Variants in ENOX2 observed in about 807,000 individuals in gnomAD.
ENOX2 encodes ecto-NOX disulfide-thiol exchanger 2, also known as APK1 antigen.
Under a neutral mutation model 45.0 loss-of-function variants are expected in ENOX2, and 36 were observed. The ratio of observed to expected loss-of-function variants is 0.80; its 90% CI spans 0.61 to 1.06. The LOEUF is 1.06. Among genes scored for constraint, ENOX2 ranks in the 50% least tolerant of loss-of-function variants. The pLI is 0.00. For missense variants in ENOX2, 423 were observed against 462.5 expected (o/e 0.91, Z 0.78); for synonymous variants, 174 against 152.3 (o/e 1.14, Z -1.05).
rs757092027 is a variant in ENOX2 at position 130,692,594 on chromosome X, T to G, written c.98-3576A>C. ...TATCTCTCTCTGTTTTTTTTTTTTT[T>G]TTTTGAGACGGAGTCCCGCTCTGTT... On this transcript the variant is annotated intron_variant, in intron 4 of 14. Transcript: ENST00000394363. 1.8e-3 allele frequency among the ~76,000 whole-genome samples: 191 copies of G among 107,248 alleles called. 2 individuals carry two copies. Among genetic ancestry groups the G allele is most frequent in the African/African-American group, 6.0e-3 (177 of 29,530 alleles). 93.1% of individuals were successfully genotyped at this position (107,248 alleles called of 115,157 possible). A position where few individuals can be genotyped will look rare whatever the true frequency, so the allele number is the denominator to read the frequency against.
At chrX:130,814,009 G>C (rs184364049) in intron 2 of ENOX2, among the ~76,000 whole-genome samples, 1 of 112,309 alleles carries the variant, frequency 8.9e-6, no homozygotes, top group African/African-American at 3.2e-5. Context: ...AATTCTCGCT[G>C]CTAGCACAGC....
chrX:130,710,898 T>C (rs1281852312), intron 3 of ENOX2, among the ~76,000 whole-genome samples: 1 of 112,012 alleles, frequency 8.9e-6, no homozygotes, highest in East Asian at 2.8e-4. Flanking sequence ...TGCTCATGGG[T>C]TGCTGTTTGA....
chrX:130,708,005 T>C (rs1046484223), intron 3 of ENOX2, among the ~76,000 whole-genome samples: 2 of 112,133 alleles, frequency 1.8e-5, no homozygotes, highest in Non-Finnish European at 3.8e-5. Context: ...GATATTAGGG[T>C]GAGTCAAAGA....
intron 3 of ENOX2, among the ~76,000 whole-genome samples, chrX:130,776,293 T>A (rs2039854517): frequency 8.9e-6 from 1 of 111,928 alleles, no homozygotes; most frequent in Non-Finnish European, 1.9e-5. Context: ...CAACAAAGTT[T>A]AAATCACTGA....
At chrX:130,723,072 G>A (rs1205327201) in intron 3 of ENOX2, among the ~76,000 whole-genome samples, 1 of 112,320 alleles carries the variant, frequency 8.9e-6, no homozygotes, top group Non-Finnish European at 1.9e-5. Context: ...GTTGGGTATG[G>A]TACAAGACAT....
At chrX:130,902,585 A>G (rs2079160112) in intron 1 of ENOX2, among the ~76,000 whole-genome samples, 1 of 110,036 alleles carries the variant, frequency 9.1e-6, no homozygotes, top group Non-Finnish European at 1.9e-5. Flanking sequence ...CCATGCCCCA[A>G]AGAAAATGGG....
In ENOX2 at chrX:130,880,341, T is replaced by C. The variant is rs372459622; in HGVS notation, c.-183+21343A>G. Among the ~76,000 whole-genome samples the C allele has an allele frequency of 5.4e-5, 6 of 111,597 alleles. No individual in the cohort carries two copies. In the East Asian group the frequency reaches 1.4e-3, roughly 26 times the overall value. On this transcript the variant is annotated intron_variant, in intron 2 of 14. Transcript: ENST00000394363. Reference sequence around the variant, plus strand: ...ATAGTCAAGGACATTACTCTATCCATGTATTTTTTTTTCCCAGTACTTTAG... The same window carrying C: ...ATAGTCAAGGACATTACTCTATCCACGTATTTTTTTTTCCCAGTACTTTAG...
At chrX:130,716,870 A>G (rs2038344342) in intron 3 of ENOX2, among the ~76,000 whole-genome samples, 1 of 112,402 alleles carries the variant, frequency 8.9e-6, no homozygotes, top group Non-Finnish European at 1.9e-5. Context: ...TTTCTGCTGT[A>G]ACTTAAATTT....
intron 2 of ENOX2, among the ~76,000 whole-genome samples, chrX:130,806,451 G>A (rs2148439871): frequency 8.9e-6 from 1 of 112,448 alleles, no homozygotes; most frequent in South Asian, 3.7e-4. Context: ...GAAGGATAAT[G>A]AGTGGACAAT....
intron 10 of ENOX2, among the ~76,000 whole-genome samples, chrX:130,648,599 G>T (rs2036308545): frequency 9.0e-6 from 1 of 111,368 alleles, no homozygotes; most frequent in South Asian, 3.8e-4. Flanking sequence ...GTTTGGTTAT[G>T]ATTTATTTTT....
chrX:130,703,006 T>G, intron 4 of ENOX2, 114 bp downstream of exon 4: 1 of 827,678 alleles, frequency 1.2e-6, no homozygotes, highest in Non-Finnish European at 1.7e-6. Context: ...AAATGCACAC[T>G]CTAGGCAGAA....
chrX:130,672,817 C>G (rs761078652), intron 6 of ENOX2, among the ~76,000 whole-genome samples: 15 of 111,709 alleles, frequency 1.3e-4, no homozygotes, highest in African/African-American at 4.6e-4. Context: ...GACCTCGGCA[C>G]ATTTCTCCAA....
Position 130,719,874 on chromosome X carries a change from C to T in ENOX2, c.-38-16620G>A, listed in dbSNP as rs759692899. ...GCTCATGGGGATACTAAGCTTCTATCTTTAAAAAGAATAAAAACAATACTA... is the reference window on the plus strand; with the variant it reads ...GCTCATGGGGATACTAAGCTTCTATTTTTAAAAAGAATAAAAACAATACTA... On this transcript the variant is annotated intron_variant, in intron 3 of 14. Transcript: ENST00000394363. Among the ~76,000 whole-genome samples, 9 of 111,890 alleles carry T rather than the reference C, an allele frequency of 8.0e-5. No individual in the cohort carries two copies. The South Asian group carries it at 3.0e-3, about 37-fold the overall frequency.
chrX:130,674,063 C>T (rs754681831), intron 6 of ENOX2, among the ~76,000 whole-genome samples: 41 of 111,860 alleles, frequency 3.7e-4, no homozygotes, highest in African/African-American at 1.2e-3. Flanking sequence ...AAATCAAATA[C>T]CATGTGTTCT....
intron 2 of ENOX2, among the ~76,000 whole-genome samples, chrX:130,854,979 C>G (rs1033898849): frequency 8.9e-6 from 1 of 111,765 alleles, no homozygotes; most frequent in African/African-American, 3.3e-5. Context: ...AGACTGAATA[C>G]TCTTTCCTAT....
chrX:130,898,911 C>T, intron 2 of ENOX2, among the ~76,000 whole-genome samples: 1 of 110,630 alleles, frequency 9.0e-6, no homozygotes, highest in East Asian at 2.8e-4. Flanking sequence ...TGACGAATTG[C>T]TCTCCAGAAG....
intron 14 of ENOX2, 25 bp from the exon 15 acceptor site, chrX:130,625,470 A>G: frequency 1.7e-6 from 2 of 1,192,823 alleles, no homozygotes; most frequent in Middle Eastern, 2.5e-4. Context: ...GAACATCTCC[A>G]TTCAAAACCA....
At chrX:130,708,578 T>C (rs1052891909) in intron 3 of ENOX2, among the ~76,000 whole-genome samples, 1 of 112,443 alleles carries the variant, frequency 8.9e-6, no homozygotes, top group African/African-American at 3.2e-5. Flanking sequence ...TACTACATTA[T>C]ATTTTTCTGA....
intron 3 of ENOX2, among the ~76,000 whole-genome samples, chrX:130,748,105 C>A (rs1411717348): frequency 1.8e-5 from 2 of 111,987 alleles, no homozygotes; most frequent in African/African-American, 6.5e-5. Context: ...AAGTACACTG[C>A]AACACATTCA....
Sources: gnomAD v4.1 joint callset for allele counts (sites outside exome capture counted in the v4.1 genomes callset) on GRCh38, gnomAD v4.1.1 for gene constraint, MANE v1.5 for transcripts, NCBI Gene and HGNC (gene_info 2026-07-23, HGNC 2026-07-21) for gene names.